UBA3: variants seen among roughly 807,000 people sequenced by gnomAD.
The protein encoded by UBA3 is NEDD8-activating enzyme E1 catalytic subunit.
In UBA3, 26 loss-of-function variants were observed where a neutral mutation model predicts 73.5. That is an observed-to-expected ratio of 0.35 (90% CI 0.26 to 0.49). The LOEUF (loss-of-function observed/expected upper bound fraction) is 0.49, where lower values mean the gene tolerates loss of function less well. Ranked by LOEUF, UBA3 falls within the 20% of genes least tolerant of loss-of-function variation. UBA3 has a pLI of 0.98. For synonymous variants in UBA3, 217 were observed against 191.2 expected (o/e 1.13, Z -1.11); for missense variants, 495 against 555.6 (o/e 0.89, Z 1.10).
At chr3:69,077,541 T>C (rs2092178364) in intron 3 of UBA3, 1 of 318,446 alleles carries the variant, frequency 3.1e-6, no homozygotes, top group African/African-American at 2.2e-5. Flanking sequence ...GAAAGCATTT[T>C]AAATTTTTAC....
chr3:69,064,459 A>T (rs961128011), intron 6 of UBA3, among the ~76,000 whole-genome samples: 3 of 152,230 alleles, frequency 2.0e-5, no homozygotes, highest in East Asian at 1.9e-4. Flanking sequence ...CATCAAGAAG[A>T]GATGCAATAA....
At chr3:69,074,732 G>A (rs771754825) in intron 4 of UBA3, among the ~76,000 whole-genome samples, 2 of 152,030 alleles carry the variant, frequency 1.3e-5, no homozygotes, top group Non-Finnish European at 2.9e-5. Flanking sequence ...TATAGAAAGC[G>A]ACTTTGTGAT....
chr3:69,079,548 T>A (rs1197923536), intron 2 of UBA3, among the ~76,000 whole-genome samples: 1 of 152,210 alleles, frequency 6.6e-6, no homozygotes, highest in Non-Finnish European at 1.5e-5. Context: ...AAGCATCTGA[T>A]AAGAAATAGG....
intron 4 of UBA3, among the ~76,000 whole-genome samples, chr3:69,073,208 A>C (rs1227613656): frequency 6.6e-6 from 1 of 152,076 alleles, no homozygotes; most frequent in Non-Finnish European, 1.5e-5. Flanking sequence ...TAACCTCCAA[A>C]GTCTTTTGTG....
Position 69,055,496 on chromosome 3 carries a change from C to G in UBA3, c.1333G>C (p.Ala445Pro), listed in dbSNP as rs1403474666. ...ELGLVDGQEL[A>P]VADVTTPQTV... is the part of the protein sequence containing the mutation. ...TGTGGGGTGGTGACATCAGCAACCG[C>G]CAGTTCTTGTCCATCAACAAGCCCC... Residue 445 changes from alanine (A) to proline (P), a missense_variant, in exon 18 of 18, where the codon GCG (alanine) becomes CCG (proline). Ala to Pro is a conservative substitution (Grantham distance 27). Coordinates refer to ENST00000361055, the MANE Select transcript of UBA3 (RefSeq NM_003968.4). 6.3e-7 allele frequency: 1 copy of G among 1,575,634 alleles called. No homozygotes were observed. The highest frequency in any genetic ancestry group is 1.4e-5 in the African/African-American group (1 of 71,908).
chr3:69,077,160 A>G (rs957961803), intron 3 of UBA3, among the ~76,000 whole-genome samples: 3 of 151,576 alleles, frequency 2.0e-5, no homozygotes, highest in Non-Finnish European at 1.5e-5. Flanking sequence ...ATTAAAGGAG[A>G]AAGTTATTCA....
At chr3:69,059,289 G>C (rs2092002203) in intron 11 of UBA3, among the ~76,000 whole-genome samples, 1 of 152,184 alleles carries the variant, frequency 6.6e-6, no homozygotes. Flanking sequence ...AGCCATGAGA[G>C]AGATCCAGCC....
At chr3:69,055,785 T>C (rs895037131) in intron 17 of UBA3, 66 bp downstream of exon 17, 17 of 1,475,290 alleles carry the variant, frequency 1.2e-5, no homozygotes, top group African/African-American at 2.8e-5. Context: ...GAACAAGCAC[T>C]GATTACTTTC....
chr3:69,064,928 T>A (rs1207407530), intron 6 of UBA3, among the ~76,000 whole-genome samples: 1 of 152,060 alleles, frequency 6.6e-6, no homozygotes. Flanking sequence ...GGACAATACA[T>A]AGAAAAAAGG....
chr3:69,064,136 G>C, intron 6 of UBA3, 25 bp from the exon 7 acceptor site: 1 of 1,577,390 alleles, frequency 6.3e-7, no homozygotes, highest in Non-Finnish European at 8.6e-7. Flanking sequence ...AGGAACTTAA[G>C]CAGCTAAGTT....
chr3:69,056,897 A>C, intron 12 of UBA3, 82 bp from the exon 13 acceptor site: 1 of 1,413,158 alleles, frequency 7.1e-7, no homozygotes, highest in African/African-American at 1.4e-5. Context: ...AGAACAGATA[A>C]ATTTACATTG....
At chr3:69,073,211 C>T (rs187908874) in intron 4 of UBA3, among the ~76,000 whole-genome samples, 128 of 152,286 alleles carry the variant, frequency 8.4e-4, no homozygotes, top group African/African-American at 3.0e-3. Context: ...CCTCCAAAGT[C>T]TTTTGTGATA....
chr3:69,057,175 T>G (rs923237496), intron 12 of UBA3, 81 bp downstream of exon 12: 183 of 1,397,314 alleles, frequency 1.3e-4, no homozygotes, highest in Middle Eastern at 3.5e-4. Context: ...GATATCAAAT[T>G]CCTACAACAC....
chr3:69,064,256 T>C, intron 6 of UBA3, 145 bp from the exon 7 acceptor site: 2 of 654,052 alleles, frequency 3.1e-6, no homozygotes, highest in South Asian at 5.2e-5. Context: ...GGAATCTGAC[T>C]AAATGAACAC....
Position 69,080,348 on chromosome 3 carries a change from C to A in UBA3, c.6G>T (p.Ala2=). Residue 2 remains alanine, a synonymous_variant, in exon 1 of 18, where the codon GCG becomes GCT. Coordinates refer to ENST00000361055, the MANE Select transcript of UBA3 (RefSeq NM_003968.4). M[A]DGEEPEKKRR... is the part of the protein sequence containing the mutation. Reference sequence around the variant, plus strand: ...CCGGTACTTACGGCTCCTCGCCATCCGCCATATTGTTCTCCGCCTCTTCCC... The same window carrying A: ...CCGGTACTTACGGCTCCTCGCCATCAGCCATATTGTTCTCCGCCTCTTCCC... 1 of 1,600,708 alleles carries A rather than the reference C, an allele frequency of 6.2e-7. No individual in the cohort carries two copies. Among genetic ancestry groups the A allele is most frequent in the Non-Finnish European group, 8.5e-7 (1 of 1,175,856 alleles).
Position 69,056,759 on chromosome 3 carries a change from T to G in UBA3, c.1001+20A>C. On this transcript the variant is annotated intron_variant, in intron 13 of 17. Transcript: ENST00000361055. ...GTCAAAACATAAATTTACATGCATA[T>G]TAAAAATGAAACCTATTACCTTGTG... The G allele has an allele frequency of 4.3e-6, 7 of 1,612,292 alleles. No homozygotes were observed. The highest frequency in any genetic ancestry group is 5.9e-6 in the Non-Finnish European group (7 of 1,179,332).
At chr3:69,078,049 G>T in intron 2 of UBA3, 131 bp from the exon 3 acceptor site, 1 of 1,205,940 alleles carries the variant, frequency 8.3e-7, no homozygotes, top group Non-Finnish European at 1.1e-6. Context: ...AATATTCAAT[G>T]TGATTATGTT....
intron 4 of UBA3, among the ~76,000 whole-genome samples, chr3:69,072,100 T>C (rs1281103480): frequency 6.6e-6 from 1 of 152,142 alleles, no homozygotes; most frequent in African/African-American, 2.4e-5. Context: ...TAGGCTGTAT[T>C]TGTAAAAGGA....
intron 5 of UBA3, among the ~76,000 whole-genome samples, chr3:69,068,617 C>T (rs907796273): frequency 5.9e-5 from 9 of 151,584 alleles, no homozygotes; most frequent in Non-Finnish European, 2.9e-5. Flanking sequence ...CTCACTCACT[C>T]TGTCACCCAG....
Sources: gnomAD v4.1 joint callset for allele counts (sites outside exome capture counted in the v4.1 genomes callset) on GRCh38, gnomAD v4.1.1 for gene constraint, MANE v1.5 for transcripts, NCBI Gene and HGNC (gene_info 2026-07-23, HGNC 2026-07-21) for gene names.